Variants in TENM3 observed in about 807,000 individuals in gnomAD.
TENM3 encodes teneurin-3.
TENM3 carries 63 observed loss-of-function variants against 255.1 expected under a neutral mutation model. The observed-to-expected ratio is 0.25, with a 90% CI of 0.20 to 0.30. The LOEUF (loss-of-function observed/expected upper bound fraction) is 0.30, where lower values mean the gene tolerates loss of function less well. TENM3 is among the 10% of genes least tolerant of loss of function. The pLI is 1.00. For missense variants in TENM3, 2,929 were observed against 3,461.1 expected (o/e 0.85, Z 3.86); for synonymous variants, 1,306 against 1,322.3 (o/e 0.99, Z 0.27).
the TENM3 span, among the ~76,000 whole-genome samples, chr4:181,543,177 C>T: frequency 6.6e-6 from 1 of 152,166 alleles, no homozygotes; most frequent in Non-Finnish European, 1.5e-5. Context: ...ACTCTCTCTT[C>T]TCTCTCTCCA....
chr4:182,745,013 G>T (rs1761904008), intron 19 of TENM3, among the ~76,000 whole-genome samples: 2 of 152,126 alleles, frequency 1.3e-5, no homozygotes, highest in Non-Finnish European at 2.9e-5. Flanking sequence ...GGTTAGACAT[G>T]CTAGATCTAG....
At chr4:182,781,047 T>C (rs2152809725) in intron 24 of TENM3, among the ~76,000 whole-genome samples, 1 of 151,614 alleles carries the variant, frequency 6.6e-6, no homozygotes, top group South Asian at 2.1e-4. Flanking sequence ...ATACCCTTTA[T>C]TTCCTTCTCC....
At chr4:182,282,892 CAGAA>C (rs1176546796) in intron 1 of TENM3, among the ~76,000 whole-genome samples, 19 of 89,368 alleles carry the variant, frequency 2.1e-4, no homozygotes, top group African/African-American at 9.4e-4. Context: ...GACTCCATTT[CAGAA>C]AAAAAAAAAA....
At chr4:182,757,082 G>A (rs1285797567) in intron 22 of TENM3, among the ~76,000 whole-genome samples, 1 of 152,066 alleles carries the variant, frequency 6.6e-6, no homozygotes, top group Non-Finnish European at 1.5e-5. Context: ...GGAGGCCGAG[G>A]CAGGCGGATC....
chr4:181,966,470 T>C, the TENM3 span, among the ~76,000 whole-genome samples: 1 of 152,142 alleles, frequency 6.6e-6, no homozygotes, highest in Admixed American at 6.5e-5. Context: ...TATTTCTCAC[T>C]TTATATAAAA....
At chr4:182,488,396 A>G (rs1261902997) in intron 3 of TENM3, among the ~76,000 whole-genome samples, 1 of 152,182 alleles carries the variant, frequency 6.6e-6, no homozygotes, top group Non-Finnish European at 1.5e-5. Context: ...GGAGGGGGAG[A>G]TGAGTGACTA....
At chr4:181,658,516 T>A in the TENM3 span, among the ~76,000 whole-genome samples, 1 of 152,104 alleles carries the variant, frequency 6.6e-6, no homozygotes, top group African/African-American at 2.4e-5. Flanking sequence ...ATGCCCCCAC[T>A]CCCACCTCCA....
intron 27 of TENM3, among the ~76,000 whole-genome samples, chr4:182,798,372 G>A (rs1766652210): frequency 6.6e-6 from 1 of 152,178 alleles, no homozygotes; most frequent in Non-Finnish European, 1.5e-5. Context: ...TGGTGTTACA[G>A]TTGCCTGCAA....
the TENM3 span, among the ~76,000 whole-genome samples, chr4:181,746,655 C>G: frequency 6.6e-6 from 1 of 151,948 alleles, no homozygotes; most frequent in South Asian, 2.1e-4. Flanking sequence ...ACTCTGCTTA[C>G]TTAGGTACCA....
chr4:182,680,332 G>T lies in TENM3; in HGVS notation c.1622G>T (p.Gly541Val). The T allele has an allele frequency of 6.2e-7, 1 of 1,610,836 alleles. No homozygotes were observed. Among genetic ancestry groups the T allele is most frequent in the Non-Finnish European group, 8.5e-7 (1 of 1,177,760 alleles). ...GTCHCFPGFL[G>V]PDCSRAACPV... Reference sequence around the variant, plus strand: ...TGCCATTGTTTTCCAGGATTTCTGGGTCCGGATTGTTCAAGAGGTATGCAA... The same window carrying T: ...TGCCATTGTTTTCCAGGATTTCTGGTTCCGGATTGTTCAAGAGGTATGCAA... Residue 541 changes from glycine to valine, a missense_variant, in exon 9 of 28, where the codon GGT becomes GTT. Physicochemically the swap from Gly to Val is moderately radical, Grantham distance 109. Around this residue, in one of 6 missense-constraint regions of TENM3, gnomAD observed 1,608 missense variants for 1,884.4 expected, o/e 0.85. Transcript: ENST00000511685.
chr4:182,427,402 G>A (rs931015045), intron 3 of TENM3, among the ~76,000 whole-genome samples: 3 of 152,114 alleles, frequency 2.0e-5, no homozygotes, highest in African/African-American at 4.8e-5. Flanking sequence ...TTATCCTTTC[G>A]AAGAGCAAGG....
At chr4:181,815,296 CAA>C in the TENM3 span, among the ~76,000 whole-genome samples, 8 of 123,108 alleles carry the variant, frequency 6.5e-5, no homozygotes, top group Non-Finnish European at 7.0e-5. Context: ...TACAAAAATA[CAA>C]AAAAAAAAAA....
At chr4:181,743,874 A>G in the TENM3 span, among the ~76,000 whole-genome samples, 3 of 152,062 alleles carry the variant, frequency 2.0e-5, no homozygotes, top group African/African-American at 7.2e-5. Flanking sequence ...TTATATAGGT[A>G]AAAGTGTGCC....
At chr4:182,091,688 A>G in the TENM3 span, among the ~76,000 whole-genome samples, 1 of 152,160 alleles carries the variant, frequency 6.6e-6, no homozygotes, top group Non-Finnish European at 1.5e-5. Context: ...TCTTCTAATA[A>G]TGGGTGGTTG....
At chr4:181,755,874 T>G in the TENM3 span, among the ~76,000 whole-genome samples, 1 of 152,156 alleles carries the variant, frequency 6.6e-6, no homozygotes, top group Admixed American at 6.6e-5. Flanking sequence ...TTCATTATGG[T>G]GGGGAATATT....
At chr4:181,918,057 C>T in the TENM3 span, among the ~76,000 whole-genome samples, 5 of 152,276 alleles carry the variant, frequency 3.3e-5, no homozygotes, top group Admixed American at 3.3e-4. Context: ...TCTCACTTTT[C>T]ATCAGTTTCT....
the TENM3 span, among the ~76,000 whole-genome samples, chr4:182,054,664 A>G: frequency 6.6e-6 from 1 of 152,208 alleles, no homozygotes; most frequent in Non-Finnish European, 1.5e-5. Flanking sequence ...ATGATTGGTT[A>G]TAACATGAAG....
At chr4:182,248,631 A>T (rs1431396503) in intron 1 of TENM3, among the ~76,000 whole-genome samples, 1 of 152,224 alleles carries the variant, frequency 6.6e-6, no homozygotes, top group African/African-American at 2.4e-5. Context: ...TTCAGTCAGT[A>T]ACAATGTAAT....
At chr4:181,591,535 T>C in the TENM3 span, among the ~76,000 whole-genome samples, 39 of 151,532 alleles carry the variant, frequency 2.6e-4, no homozygotes, top group Admixed American at 2.6e-3. Context: ...ATAGCAGGGG[T>C]CTCCAACACC....
Sources: gnomAD v4.1 joint callset for allele counts (sites outside exome capture counted in the v4.1 genomes callset) on GRCh38, gnomAD v4.1.1 for gene constraint, gnomAD v4.1.1 regional missense constraint, MANE v1.5 for transcripts, NCBI Gene and HGNC (gene_info 2026-07-23, HGNC 2026-07-21) for gene names.